The following GLI2 variants were observed in gnomAD, a reference collection of about 807,000 sequenced individuals.
GLI2 encodes GLI family zinc finger 2, also known as transcription activator GLI2.
GLI2 carries 22 observed loss-of-function variants against 78.9 expected under a neutral mutation model. The observed-to-expected ratio is 0.28, with a 90% CI of 0.20 to 0.40. The LOEUF (loss-of-function observed/expected upper bound fraction) is 0.40, where lower values mean the gene tolerates loss of function less well. Ranked by LOEUF, GLI2 falls within the 10% of genes least tolerant of loss-of-function variation. GLI2 has a pLI of 1.00. For missense variants in GLI2, 2,097 were observed against 2,213.2 expected, an observed-to-expected ratio of 0.95 and a Z score of 1.05; for synonymous variants, 974 against 963.7, an observed-to-expected ratio of 1.01 and a Z score of -0.20.
Position 120,893,347 on chromosome 2 carries a change from C to G in GLI2, c.149-34014C>G, listed in dbSNP as rs553414965. 8.2e-3 allele frequency among the ~76,000 whole-genome samples: 1,256 copies of G among 152,246 alleles called. 11 individuals are homozygous for G. The highest frequency in any genetic ancestry group is 0.013 in the Non-Finnish European group (882 of 67,980). ...GCCCGCCCCCCAGCCTCCCCTCCCC[C>G]ACCTGGGGTATGTGTGTGGCTCTGG... is the stretch of plus-strand genomic sequence containing the variant. On this transcript the variant is annotated intron_variant, in intron 2 of 13. Coordinates refer to ENST00000361492, the MANE Select transcript of GLI2 (RefSeq NM_001374353.1).
At chr2:120,861,788 C>T (rs920405672) in intron 2 of GLI2, among the ~76,000 whole-genome samples, 11 of 152,312 alleles carry the variant, frequency 7.2e-5, no homozygotes, top group Admixed American at 5.2e-4. Flanking sequence ...CCTGCCTGCA[C>T]GTTAAGTGCT....
intron 2 of GLI2, among the ~76,000 whole-genome samples, chr2:120,891,639 C>A (rs1677686336): frequency 6.6e-6 from 1 of 152,136 alleles, no homozygotes; most frequent in South Asian, 2.1e-4. Context: ...AAGGGCAGGG[C>A]CTGGCTTTCC....
At chr2:120,988,163 G>A (rs763888656) in intron 13 of GLI2, 45 bp from the exon 14 acceptor site, 3 of 1,534,080 alleles carry the variant, frequency 2.0e-6, no homozygotes, top group South Asian at 1.2e-5. Flanking sequence ...AAAGCAAGCA[G>A]CCACCCACCC....
In GLI2 at chr2:120,989,199, C is replaced by T. The variant is rs139620354; in HGVS notation, c.3234C>T (p.Asp1078=). Residue 1078 remains aspartate, a synonymous_variant, in exon 14 of 14, where the codon GAC becomes GAT. Coordinates refer to ENST00000361492, the MANE Select transcript of GLI2 (RefSeq NM_001374353.1). ...CCACGGAAAGCACTGGCTTCTCTGA[C>T]AACCCCAGACTACCCAGCCCGGGGC... ...VYPTESTGFS[D]NPRLPSPGLH... 2 of 1,613,082 alleles carry T rather than the reference C, an allele frequency of 1.2e-6. No homozygotes were observed. The highest frequency in any genetic ancestry group is 2.7e-5 in the African/African-American group (2 of 74,946).
chr2:120,768,260 G>A (rs1558786692), intron 1 of GLI2, among the ~76,000 whole-genome samples: 1 of 152,190 alleles, frequency 6.6e-6, no homozygotes, highest in African/African-American at 2.4e-5. Flanking sequence ...GCTGCCCTAT[G>A]CGGTGGGCGG....
intron 1 of GLI2, among the ~76,000 whole-genome samples, chr2:120,739,165 G>A (rs769148060): frequency 5.3e-5 from 8 of 152,152 alleles, no homozygotes; most frequent in Non-Finnish European, 1.0e-4. Flanking sequence ...TCCCACAAGT[G>A]CCCTGTACAC....
At chr2:120,951,602 T>C (rs1680997841) in intron 4 of GLI2, 157 bp downstream of exon 4, 1 of 589,928 alleles carries the variant, frequency 1.7e-6, no homozygotes, top group Non-Finnish European at 3.0e-6. Flanking sequence ...AAACAACAAG[T>C]TTTTGGGTTT....
At chr2:120,896,658 CACAT>C (rs1182699022) in intron 2 of GLI2, among the ~76,000 whole-genome samples, 5 of 30,676 alleles carry the variant, frequency 1.6e-4, no homozygotes, top group African/African-American at 8.9e-4. Context: ...CACACACACA[CACAT>C]ACACCCACCC....
At chr2:120,771,698 C>G (rs1683527701) in intron 1 of GLI2, among the ~76,000 whole-genome samples, 1 of 152,202 alleles carries the variant, frequency 6.6e-6, no homozygotes, top group Non-Finnish European at 1.5e-5. Context: ...TGATGCAGAC[C>G]TTGTGGCCAC....
In GLI2 at chr2:120,746,626, G is replaced by C. The variant is rs1682701090; in HGVS notation, c.-31+10341G>C. 2.0e-5 allele frequency among the ~76,000 whole-genome samples: 3 copies of C among 152,076 alleles called. 1 individual carries two copies. In the South Asian group the frequency reaches 6.2e-4, roughly 32 times the overall value. On this transcript the variant is annotated intron_variant, in intron 1 of 13. Transcript: ENST00000361492. The stretch of plus-strand genomic sequence containing the variant: ...TCTCTGTATTCAAGGTCTGGACTCT[G>C]GTTTAGCACTTGGATTCAAGCAAAC...
Position 120,951,320 on chromosome 2 carries a change from G to A in GLI2, c.332G>A (p.Gly111Glu), listed in dbSNP as rs1183446012. The change falls in exon 4 of 14, where the codon GGG becomes GAG. Residue 111 changes from glycine to glutamate, a missense_variant. Transcript: ENST00000361492. Reference protein sequence around the residue: ...IRLSPHPAGPGESPFNAPHPY... With the variant: ...IRLSPHPAGPEESPFNAPHPY... ...CTTTCCCCGCACCCGGCTGGCCCTG[G>A]GGAGTCCCCCTTCAACGCCCCCCAC... is the stretch of plus-strand genomic sequence containing the variant. The A allele has an allele frequency of 1.9e-6, 3 of 1,604,834 alleles. No individual in the cohort carries two copies. Among genetic ancestry groups the A allele is most frequent in the African/African-American group, 2.7e-5 (2 of 74,772 alleles).
intron 2 of GLI2, among the ~76,000 whole-genome samples, chr2:120,923,581 C>T (rs1488560109): frequency 6.6e-6 from 1 of 151,960 alleles, no homozygotes; most frequent in African/African-American, 2.4e-5. Flanking sequence ...GCAACACATA[C>T]ATATACAACA....
intron 2 of GLI2, among the ~76,000 whole-genome samples, chr2:120,813,182 A>C (rs1275051611): frequency 6.6e-6 from 1 of 152,224 alleles, no homozygotes; most frequent in African/African-American, 2.4e-5. Context: ...TCTTTTGTGC[A>C]TCTGTTCCCA....
At chr2:120,902,221 C>T (rs556243151) in intron 2 of GLI2, among the ~76,000 whole-genome samples, 19 of 105,068 alleles carry the variant, frequency 1.8e-4, no homozygotes, top group African/African-American at 6.8e-4. Context: ...CCCATTGCTT[C>T]CCCCAAAAGC....
intron 2 of GLI2, among the ~76,000 whole-genome samples, chr2:120,840,798 G>T (rs1312760699): frequency 6.6e-6 from 1 of 152,158 alleles, no homozygotes; most frequent in Non-Finnish European, 1.5e-5. Context: ...CATGGCCTTT[G>T]CACGTGGGGG....
chr2:120,983,946 G>T (rs201311661), intron 11 of GLI2, among the ~76,000 whole-genome samples: 44 of 143,212 alleles, frequency 3.1e-4, no homozygotes, highest in African/African-American at 1.1e-3. Context: ...TGGTGTGTGG[G>T]GTGTGTGTGT....
intron 1 of GLI2, among the ~76,000 whole-genome samples, chr2:120,762,851 C>T (rs1021844459): frequency 1.3e-5 from 2 of 152,180 alleles, no homozygotes; most frequent in African/African-American, 4.8e-5. Context: ...GCCCTTGGTT[C>T]AGAAGTGGAC....
intron 2 of GLI2, among the ~76,000 whole-genome samples, chr2:120,902,022 G>A (rs1678282297): frequency 6.6e-6 from 1 of 151,904 alleles, no homozygotes; most frequent in African/African-American, 2.4e-5. Context: ...GCAGTTGCGT[G>A]CTGGAGCCAG....
At position 120,989,373 on chromosome 2, in the gene GLI2, C is replaced by T. The variant is rs1239389933; in HGVS notation, c.3408C>T (p.Thr1136=). The T allele has an allele frequency of 3.7e-6, 6 of 1,612,872 alleles. No individual in the cohort carries two copies. In the Admixed American group the frequency reaches 5.0e-5, roughly 13 times the overall value. ...PVQWNEVSSG[T]VDALASQVKP... ...AGTGGAATGAGGTGAGCTCCGGCACCGTAGACGCCCTGGCCAGCCAGGTGA... is the reference window on the plus strand; with the variant it reads ...AGTGGAATGAGGTGAGCTCCGGCACTGTAGACGCCCTGGCCAGCCAGGTGA... Residue 1136 remains threonine (T), a synonymous_variant, in exon 14 of 14, where the codon ACC becomes ACT. Coordinates refer to ENST00000361492, the MANE Select transcript of GLI2 (RefSeq NM_001374353.1).
Sources: allele counts gnomAD v4.1 joint callset (sites outside exome capture counted in the v4.1 genomes callset), GRCh38; gene constraint gnomAD v4.1.1; transcripts MANE v1.5; gene names NCBI Gene and HGNC (gene_info 2026-07-23, HGNC 2026-07-21).